The following WDR17 variants were observed in gnomAD, a reference collection of about 807,000 sequenced individuals.
WDR17 encodes the protein WD repeat-containing protein 17.
In WDR17, 143 loss-of-function variants were observed where a neutral mutation model predicts 161.7. The observed-to-expected ratio is 0.88, with a 90% CI of 0.77 to 1.02. WDR17 has a LOEUF of 1.02. WDR17 is among the 50% of genes least tolerant of loss of function. The pLI is 0.00. For synonymous variants in WDR17, 517 were observed against 515.6 expected, an observed-to-expected ratio of 1.00 and a Z score of -0.04; for missense variants, 1,469 against 1,520.9, an observed-to-expected ratio of 0.97 and a Z score of 0.57.
intron 1 of WDR17, among the ~76,000 whole-genome samples, chr4:176,097,846 G>T (rs1297595544): frequency 6.6e-6 from 1 of 151,692 alleles, no homozygotes; most frequent in Non-Finnish European, 1.5e-5. Flanking sequence ...AATGAAATGT[G>T]TTTCCTTTAA....
At chr4:176,087,044 A>G (rs1436815966) in intron 1 of WDR17, among the ~76,000 whole-genome samples, 1 of 151,920 alleles carries the variant, frequency 6.6e-6, no homozygotes, top group African/African-American at 2.4e-5. Flanking sequence ...GTTTTCATAT[A>G]ATTTAGTGCT....
chr4:176,133,148 A>G (rs1451117653), intron 7 of WDR17, among the ~76,000 whole-genome samples: 2 of 148,910 alleles, frequency 1.3e-5, no homozygotes, highest in Admixed American at 1.3e-4. Flanking sequence ...TGCCATATAT[A>G]CCATTCGAAG....
chr4:176,177,649 A>C lies in WDR17; in HGVS notation c.3727A>C (p.Ile1243Leu). The stretch of plus-strand genomic sequence containing the variant: ...CATTTCTTGTCTTACGGGATTAAAA[A>C]TCCAGGTAAAGCCTAACATCAGACA... ...IHISCLTGLKIQGPVFFLEDG... is the reference protein window; with the variant it reads ...IHISCLTGLKLQGPVFFLEDG... The change falls in exon 28 of 29, where the codon ATC (isoleucine) becomes CTC (leucine). Residue 1243 changes from isoleucine to leucine, a missense_variant. Coordinates refer to ENST00000508596, the MANE Select transcript of WDR17 (RefSeq NM_181265.4). The C allele has an allele frequency of 6.3e-7, 1 of 1,582,136 alleles. No homozygotes were observed. Among genetic ancestry groups the C allele is most frequent in the Non-Finnish European group, 8.5e-7 (1 of 1,170,936 alleles).
chr4:176,123,161 GTGCCTTAATAAAATT>G (rs1165819071), intron 4 of WDR17, among the ~76,000 whole-genome samples: 1 of 152,138 alleles, frequency 6.6e-6, no homozygotes, highest in East Asian at 1.9e-4. Flanking sequence ...CTCCATGAAT[GTGCCTTAATAAAATT>G]TGCCTTGTTT....
intron 1 of WDR17, among the ~76,000 whole-genome samples, chr4:176,106,989 T>G (rs564976091): frequency 1.3e-5 from 2 of 151,976 alleles, no homozygotes; most frequent in Non-Finnish European, 2.9e-5. Flanking sequence ...AACAGTAAAA[T>G]GGACAGCAAC....
intron 2 of WDR17, among the ~76,000 whole-genome samples, chr4:176,114,719 A>G (rs1448940607): frequency 6.6e-6 from 1 of 151,858 alleles, no homozygotes; most frequent in African/African-American, 2.4e-5. Flanking sequence ...AAAAACAGGT[A>G]TAATAAGATA....
Position 176,181,485 on chromosome 4 carries a change from A to C in WDR17, c.*1906A>C, listed in dbSNP as rs559141028. Reference sequence around the variant, plus strand: ...ACCATCTCCAAAAATTATATATATAAAAATAATTAATATTATAGAAGAGAA... The same window carrying C: ...ACCATCTCCAAAAATTATATATATACAAATAATTAATATTATAGAAGAGAA... On this transcript the variant is annotated 3_prime_UTR_variant, in exon 29 of 29. Coordinates refer to ENST00000508596, the MANE Select transcript of WDR17 (RefSeq NM_181265.4). 4.5e-6 allele frequency: 1 copy of C among 224,282 alleles called. No homozygotes were observed. The highest frequency in any genetic ancestry group is 8.8e-6 in the Non-Finnish European group (1 of 113,888). 13.9% of individuals were successfully genotyped at this position (224,282 alleles called of 1,614,324 possible). A position where few individuals can be genotyped will look rare whatever the true frequency, so the allele number is the denominator to read the frequency against.
chr4:176,146,685 C>T (rs921287119), intron 12 of WDR17, among the ~76,000 whole-genome samples: 1 of 152,040 alleles, frequency 6.6e-6, no homozygotes, highest in East Asian at 1.9e-4. Context: ...GTTCTAGTGG[C>T]CCCTACAATA....
chr4:176,077,398 C>T (rs900550666), intron 1 of WDR17, among the ~76,000 whole-genome samples: 3 of 113,322 alleles, frequency 2.6e-5, no homozygotes, highest in Admixed American at 2.4e-4. Flanking sequence ...TTTATACATA[C>T]GTCCTGGGAG....
chr4:176,115,923 TG>T lies in WDR17; in HGVS notation c.252del (p.Ile85SerfsTer55). The T allele has an allele frequency of 6.2e-7, 1 of 1,610,770 alleles. No individual in the cohort carries two copies. Among genetic ancestry groups the T allele is most frequent in the Non-Finnish European group, 8.5e-7 (1 of 1,178,250 alleles). Reference sequence around the variant, plus strand: ...GCAAGTGGCAGTACTGATAATTTAGTGATCATTTGGAATGTTGCAGAACAAA... The same window carrying T: ...GCAAGTGGCAGTACTGATAATTTAGTATCATTTGGAATGTTGCAGAACAAA... ...LFASGSTDNL[V>X]IIWNVAEQKV... On this transcript the variant is annotated frameshift_variant, in exon 3 of 29. Coordinates refer to ENST00000508596, the MANE Select transcript of WDR17 (RefSeq NM_181265.4). LOFTEE classifies it high-confidence loss of function.
At chr4:176,154,743 A>C (rs1044392440) in intron 17 of WDR17, among the ~76,000 whole-genome samples, 4 of 152,194 alleles carry the variant, frequency 2.6e-5, no homozygotes, top group African/African-American at 7.2e-5. Context: ...TTAAAATTTA[A>C]CGTATTATTT....
At chr4:176,176,538 A>G (rs77731064) in intron 26 of WDR17, among the ~76,000 whole-genome samples, 1,701 of 152,200 alleles carry the variant, frequency 0.011, 13 homozygotes, top group Middle Eastern at 0.024. Flanking sequence ...TATCACCTCT[A>G]TGGAGGTAAC....
chr4:176,090,823 A>G (rs986566900), intron 1 of WDR17, among the ~76,000 whole-genome samples: 20 of 152,216 alleles, frequency 1.3e-4, no homozygotes, highest in Admixed American at 1.2e-3. Flanking sequence ...CATTGTTTCT[A>G]TAGATTATAG....
intron 1 of WDR17, among the ~76,000 whole-genome samples, chr4:176,098,500 G>C (rs1006227764): frequency 6.6e-6 from 1 of 151,848 alleles, no homozygotes; most frequent in African/African-American, 2.4e-5. Context: ...ATTTTGAAAT[G>C]GACCTTCAGT....
Position 176,115,906 on chromosome 4 carries a change from C to CA in WDR17, c.235dup (p.Ser79LysfsTer3), listed in dbSNP as rs777033019. On this transcript the variant is annotated frameshift_variant, in exon 3 of 29. Coordinates refer to ENST00000508596, the MANE Select transcript of WDR17 (RefSeq NM_181265.4). LOFTEE classifies it high-confidence loss of function. ...ATAATCCTGATCTGTTTGCAAGTGG[C>CA]AGTACTGATAATTTAGTGATCATTT... 1 of 1,610,906 alleles carries CA rather than the reference C, an allele frequency of 6.2e-7. No homozygotes were observed.
chr4:176,166,294 A>G (rs1749766381), intron 22 of WDR17: 1 of 297,980 alleles, frequency 3.4e-6, no homozygotes, highest in Non-Finnish European at 6.4e-6. Context: ...AATTTATAGC[A>G]CATGAAACCT....
intron 22 of WDR17, chr4:176,166,092 TC>T (rs1344145638): frequency 1.8e-6 from 2 of 1,096,934 alleles, no homozygotes. Context: ...CATCGTATAA[TC>T]ATGGTATTCA....
In WDR17 at chr4:176,151,865, T is replaced by C. The variant is rs140995700; in HGVS notation, c.2358T>C (p.Ile786=). ...TVKMSKFGGG[I]GVPAKEERLK... ...AGATGTCTAAATTTGGTGGTGGTATTGGTGTACCTGCTAAAGAGGAAAGAC... is the reference window on the plus strand; with the variant it reads ...AGATGTCTAAATTTGGTGGTGGTATCGGTGTACCTGCTAAAGAGGAAAGAC... Residue 786 remains isoleucine, a synonymous_variant, in exon 17 of 29, where the codon ATT becomes ATC. Transcript: ENST00000508596. The C allele has an allele frequency of 1.6e-5, 25 of 1,611,964 alleles. No individual in the cohort carries two copies. Among genetic ancestry groups the C allele is most frequent in the Non-Finnish European group, 2.0e-5 (23 of 1,179,338 alleles).
chr4:176,117,553 G>A (rs921971836), intron 3 of WDR17, among the ~76,000 whole-genome samples: 1 of 151,984 alleles, frequency 6.6e-6, no homozygotes, highest in Non-Finnish European at 1.5e-5. Flanking sequence ...ATCACCTAGT[G>A]TATCCATGGA....
Sources: gnomAD v4.1 joint callset for allele counts (sites outside exome capture counted in the v4.1 genomes callset) on GRCh38, gnomAD v4.1.1 for gene constraint, MANE v1.5 for transcripts, NCBI Gene and HGNC (gene_info 2026-07-23, HGNC 2026-07-21) for gene names.